The following CHN1 variants were observed in gnomAD, a reference collection of about 807,000 sequenced individuals.
The protein encoded by CHN1 is chimerin 1.
Under a neutral mutation model 59.5 loss-of-function variants are expected in CHN1, and 37 were observed. The observed-to-expected ratio is 0.62, with a 90% CI of 0.48 to 0.82. The LOEUF is 0.82. Among genes scored for constraint, CHN1 ranks in the 40% least tolerant of loss-of-function variants. The pLI is 0.00. For synonymous variants in CHN1, 206 were observed against 200.4 expected (o/e 1.03, Z -0.24); for missense variants, 469 against 571.0 (o/e 0.82, Z 1.82).
intron 11 of CHN1, among the ~76,000 whole-genome samples, chr2:174,802,532 G>C (rs1469411389): frequency 6.6e-6 from 1 of 152,120 alleles, no homozygotes; most frequent in Non-Finnish European, 1.5e-5. Context: ...CTCTTCCAAG[G>C]GTGTAAATTT....
chr2:174,824,609 A>G, intron 7 of CHN1, 91 bp from the exon 8 acceptor site: 1 of 590,774 alleles, frequency 1.7e-6, no homozygotes. Context: ...TACAAGCCAC[A>G]TATTCTATAT....
At chr2:174,900,157 G>A (rs548154402) in intron 5 of CHN1, among the ~76,000 whole-genome samples, 1 of 152,266 alleles carries the variant, frequency 6.6e-6, no homozygotes, top group African/African-American at 2.4e-5. Context: ...GGATAAACAA[G>A]TTACATGTTA....
In CHN1 at chr2:174,871,065, A is replaced by T. The variant is rs565928471; in HGVS notation, c.549+6775T>A. 2.1e-4 allele frequency among the ~76,000 whole-genome samples: 32 copies of T among 152,048 alleles called. No homozygotes were observed. In the East Asian group the frequency reaches 5.4e-3, roughly 26 times the overall value. The stretch of plus-strand genomic sequence containing the variant: ...TGGAAGGATGGATGAGATTCACACA[A>T]ATAATTTCCTGGGCCCCATTTGAGT... On this transcript the variant is annotated intron_variant, in intron 6 of 12. Transcript: ENST00000409900.
At chr2:174,945,468 C>T (rs1484950303) in intron 2 of CHN1, among the ~76,000 whole-genome samples, 1 of 152,040 alleles carries the variant, frequency 6.6e-6, no homozygotes, top group Admixed American at 6.6e-5. Context: ...TCAACTAGGG[C>T]AAATATAGCA....
chr2:174,920,590 G>A (rs1262400371), intron 3 of CHN1, among the ~76,000 whole-genome samples: 2 of 152,108 alleles, frequency 1.3e-5, no homozygotes, highest in Admixed American at 1.3e-4. Context: ...CCTTAGTTCT[G>A]CATACAGCTT....
chr2:174,812,286 A>G (rs1685101795), intron 9 of CHN1, 23 bp downstream of exon 9: 2 of 1,595,410 alleles, frequency 1.3e-6, no homozygotes, highest in South Asian at 2.3e-5. Context: ...AGACCACTGC[A>G]ACCCGCACTG....
At chr2:174,864,859 C>T (rs376424023) in intron 6 of CHN1, among the ~76,000 whole-genome samples, 37 of 152,164 alleles carry the variant, frequency 2.4e-4, no homozygotes, top group African/African-American at 7.7e-4. Flanking sequence ...GATGGAGACC[C>T]TGTCTCTAAA....
rs558069732 is a variant in CHN1, at chr2:174,821,676, C to T, written c.712+2758G>A. 743 of 438,928 alleles carry T rather than the reference C, an allele frequency of 1.7e-3. 2 individuals are homozygous for T. The highest frequency in any genetic ancestry group is 2.7e-3 in the Non-Finnish European group (578 of 213,584). 27.2% of individuals were successfully genotyped at this position (438,928 alleles called of 1,614,324 possible). A position where few individuals can be genotyped will look rare whatever the true frequency, so the allele number is the denominator to read the frequency against. ...ACACTGCATTGTAGGCACCTCCCCTCTGGAGGACATAGCTTTCCAGGCGCC... is the reference window on the plus strand; with the variant it reads ...ACACTGCATTGTAGGCACCTCCCCTTTGGAGGACATAGCTTTCCAGGCGCC... On this transcript the variant is annotated intron_variant, in intron 8 of 12. Transcript: ENST00000409900.
chr2:174,813,832 G>A (rs1349080521), intron 8 of CHN1, among the ~76,000 whole-genome samples: 3 of 152,130 alleles, frequency 2.0e-5, no homozygotes, highest in Non-Finnish European at 4.4e-5. Flanking sequence ...GCTGTTTCTG[G>A]CAGAAAGACG....
intron 6 of CHN1, chr2:174,847,773 CAAAAAAAAAAAAAAAA>C (rs71031072): frequency 2.1e-5 from 5 of 238,414 alleles, no homozygotes; most frequent in Admixed American, 6.2e-5. Flanking sequence ...TGGCTCAAGG[CAAAAAAAAAAAAAAAA>C]AAAAAAAAAA....
rs191696726 is a variant in CHN1 at position 174,921,783 on chromosome 2, C to G, written c.115-3218G>C. On this transcript the variant is annotated intron_variant, in intron 3 of 12. Transcript: ENST00000409900. ...AGCCCCTTATAAAACCATCAGATCT[C>G]GTGAGAACTCACTCACTATCACGAG... Among the ~76,000 whole-genome samples the G allele has an allele frequency of 8.1e-4, 123 of 152,194 alleles. 1 individual carries two copies. The East Asian group carries it at 0.023, about 28-fold the overall frequency.
chr2:174,844,965 TA>T (rs1002785831), intron 7 of CHN1, among the ~76,000 whole-genome samples: 2 of 151,954 alleles, frequency 1.3e-5, no homozygotes, highest in East Asian at 1.9e-4. Flanking sequence ...TTTTAAGGCT[TA>T]AAAAAAACAC....
At chr2:174,888,378 C>T (rs1687951217) in intron 5 of CHN1, among the ~76,000 whole-genome samples, 1 of 152,110 alleles carries the variant, frequency 6.6e-6, no homozygotes, top group South Asian at 2.1e-4. Flanking sequence ...GGGAGAAACA[C>T]TCACTCGGAA....
At chr2:174,865,395 G>C (rs189663763) in intron 6 of CHN1, among the ~76,000 whole-genome samples, 15 of 152,236 alleles carry the variant, frequency 9.9e-5, no homozygotes, top group African/African-American at 3.6e-4. Context: ...GGAAGGGTCT[G>C]GCTGTCCTCT....
chr2:174,939,438 C>A (rs1183671780), intron 3 of CHN1, among the ~76,000 whole-genome samples: 1 of 152,192 alleles, frequency 6.6e-6, no homozygotes, highest in Non-Finnish European at 1.5e-5. Flanking sequence ...GAGCCTCAAT[C>A]AGCACTGCAA....
chr2:174,824,023 T>C (rs572388825), intron 8 of CHN1, among the ~76,000 whole-genome samples: 1 of 152,360 alleles, frequency 6.6e-6, no homozygotes, highest in South Asian at 2.1e-4. Flanking sequence ...CAATCCAGCT[T>C]AACAAGTTAT....
At chr2:174,893,918 T>C (rs895388583) in intron 5 of CHN1, among the ~76,000 whole-genome samples, 13 of 152,064 alleles carry the variant, frequency 8.5e-5, no homozygotes, top group South Asian at 2.1e-4. Context: ...AATCTAGATA[T>C]CTATATGCAA....
intron 1 of CHN1, among the ~76,000 whole-genome samples, chr2:175,003,492 C>T (rs1691954788): frequency 6.6e-6 from 1 of 152,116 alleles, no homozygotes; most frequent in Non-Finnish European, 1.5e-5. Context: ...GAAAAGTTGA[C>T]TTGTAAACCT....
chr2:174,957,218 G>C (rs920896503), intron 1 of CHN1, among the ~76,000 whole-genome samples: 1 of 152,056 alleles, frequency 6.6e-6, no homozygotes, highest in African/African-American at 2.4e-5. Context: ...CATTTTAAAT[G>C]GCAAAATCAC....
Sources: allele counts gnomAD v4.1 joint callset (sites outside exome capture counted in the v4.1 genomes callset), GRCh38; gene constraint gnomAD v4.1.1; transcripts MANE v1.5; gene names NCBI Gene and HGNC (gene_info 2026-07-23, HGNC 2026-07-21).